Variants in SND1 observed in about 807,000 individuals in gnomAD.
SND1 encodes the protein staphylococcal nuclease and tudor domain containing 1.
SND1 carries 38 observed loss-of-function variants against 121.7 expected under a neutral mutation model. The observed-to-expected ratio is 0.31, with a 90% confidence interval of 0.24 to 0.41. The LOEUF (loss-of-function observed/expected upper bound fraction) is 0.41. Ranked by LOEUF, SND1 falls within the 10% of genes least tolerant of loss-of-function variation. SND1 has a pLI of 1.00. For missense variants in SND1, 868 were observed against 1,184.6 expected, an observed-to-expected ratio of 0.73 and a Z score of 3.92; for synonymous variants, 401 against 447.4, an observed-to-expected ratio of 0.90 and a Z score of 1.31.
intron 16 of SND1, chr7:127,997,773 C>G (rs1802704105): frequency 1.9e-6 from 1 of 534,678 alleles, no homozygotes; most frequent in African/African-American, 1.9e-5. Flanking sequence ...ACCATATATA[C>G]CATTACATTT....
intron 15 of SND1, among the ~76,000 whole-genome samples, chr7:127,985,764 T>G (rs929114532): frequency 1.4e-4 from 22 of 152,142 alleles, no homozygotes; most frequent in African/African-American, 4.6e-4. Context: ...AAGCATTAGT[T>G]CAATGGAGAG....
At chr7:127,886,849 CAAAAAAAA>C (rs11413396) in intron 12 of SND1, among the ~76,000 whole-genome samples, 1 of 118,424 alleles carries the variant, frequency 8.4e-6, no homozygotes, top group Admixed American at 9.0e-5. Context: ...CTTATTCTGG[CAAAAAAAA>C]AAAAAAAAAA....
intron 6 of SND1, 65 bp downstream of exon 6, chr7:127,702,591 C>A: frequency 1.5e-6 from 2 of 1,296,536 alleles, no homozygotes; most frequent in Non-Finnish European, 2.2e-6. Context: ...ATGGATTCTT[C>A]TACTTGGGGA....
At chr7:127,922,199 T>TTTGTTTTTTTTTTTG (rs1800732491) in intron 14 of SND1, among the ~76,000 whole-genome samples, 2 of 93,500 alleles carry the variant, frequency 2.1e-5, no homozygotes, top group Non-Finnish European at 4.2e-5. Flanking sequence ...TTTTTTTTTT[T>TTTGTTTTTTTTTTTG]TTTTGTTTTG....
intron 15 of SND1, among the ~76,000 whole-genome samples, chr7:127,980,897 C>T (rs1172412979): frequency 1.3e-5 from 2 of 151,428 alleles, no homozygotes; most frequent in Non-Finnish European, 2.9e-5. Context: ...TCAAATTTTT[C>T]TCTTTATCAA....
intron 13 of SND1, among the ~76,000 whole-genome samples, chr7:127,902,261 C>A (rs1289543888): frequency 1.3e-5 from 2 of 152,168 alleles, no homozygotes; most frequent in African/African-American, 2.4e-5. Context: ...GTTTACAGAA[C>A]AGATCTATTT....
At chr7:127,695,741 A>T (rs1446922665) in intron 3 of SND1, among the ~76,000 whole-genome samples, 1 of 152,066 alleles carries the variant, frequency 6.6e-6, no homozygotes, top group Non-Finnish European at 1.5e-5. Context: ...TGGGAGAATC[A>T]CCTGAGTCTG....
chr7:127,673,050 A>G (rs1468514861), intron 1 of SND1, among the ~76,000 whole-genome samples: 1 of 151,060 alleles, frequency 6.6e-6, no homozygotes, highest in Non-Finnish European at 1.5e-5. Flanking sequence ...TAAGTATTTT[A>G]TGTAATAAGT....
chr7:127,797,241 G>A (rs1798045252), intron 10 of SND1, among the ~76,000 whole-genome samples: 1 of 152,182 alleles, frequency 6.6e-6, no homozygotes, highest in African/African-American at 2.4e-5. Flanking sequence ...CCAAGTAGGA[G>A]GCCAGTAGGT....
At chr7:127,830,619 T>G (rs902918928) in intron 11 of SND1, among the ~76,000 whole-genome samples, 5 of 152,142 alleles carry the variant, frequency 3.3e-5, no homozygotes, top group Non-Finnish European at 7.4e-5. Flanking sequence ...TCCTCCTCAT[T>G]AAGAGAAGTA....
rs568055548 is a variant in SND1, at chr7:127,745,229, A to G, written c.1152+23829A>G. Among the ~76,000 whole-genome samples the G allele has an allele frequency of 9.2e-5, 14 of 152,316 alleles. No homozygotes were observed. The South Asian group carries it at 2.9e-3, about 32-fold the overall frequency. ...TTACTACACACCTAGGCAATATGGT[A>G]TAGCCTGTTGCTCCAGGCTGTAAAC... On this transcript the variant is annotated intron_variant, in intron 10 of 23. Transcript: ENST00000354725.
At chr7:127,867,925 A>G (rs1047426970) in intron 12 of SND1, among the ~76,000 whole-genome samples, 8 of 151,562 alleles carry the variant, frequency 5.3e-5, no homozygotes, top group Non-Finnish European at 1.0e-4. Context: ...TAAATGCATT[A>G]CTATTTAACT....
chr7:127,734,606 G>A (rs978490185), intron 10 of SND1, among the ~76,000 whole-genome samples: 2 of 152,196 alleles, frequency 1.3e-5, no homozygotes, highest in Admixed American at 6.5e-5. Context: ...TAGAGAGAAC[G>A]TAGGAGCTTG....
At chr7:127,827,570 T>C (rs1798665008) in intron 11 of SND1, among the ~76,000 whole-genome samples, 1 of 152,236 alleles carries the variant, frequency 6.6e-6, no homozygotes, top group African/African-American at 2.4e-5. Context: ...CTATTAACTA[T>C]GGATTGTTTT....
chr7:128,036,086 GA>G (rs1399803670), intron 16 of SND1, among the ~76,000 whole-genome samples: 1 of 152,212 alleles, frequency 6.6e-6, no homozygotes, highest in African/African-American at 2.4e-5. Context: ...AAGTAGTATG[GA>G]AATTGCCCTC....
Position 128,001,098 on chromosome 7 carries a change from G to A in SND1, c.1779+10042G>A, listed in dbSNP as rs576106134. On this transcript the variant is annotated intron_variant, in intron 16 of 23. Coordinates refer to ENST00000354725, the MANE Select transcript of SND1 (RefSeq NM_014390.4). ...TTCCACTTGCTACTCCACCCGTGAC[G>A]GTTTCTGGTCAGCTGCACTTAAATG... Among the ~76,000 whole-genome samples the A allele has an allele frequency of 4.6e-5, 7 of 152,290 alleles. No individual in the cohort carries two copies. In the East Asian group the frequency reaches 7.7e-4, roughly 17 times the overall value.
chr7:127,991,577 A>C (rs1313603633), intron 16 of SND1, among the ~76,000 whole-genome samples: 1 of 152,148 alleles, frequency 6.6e-6, no homozygotes, highest in Non-Finnish European at 1.5e-5. Context: ...ATTTTGCTCA[A>C]GCCTTCATCA....
intron 12 of SND1, among the ~76,000 whole-genome samples, chr7:127,857,163 T>C (rs1034644628): frequency 6.6e-6 from 1 of 151,260 alleles, no homozygotes; most frequent in African/African-American, 2.4e-5. Flanking sequence ...GGTTTCCAAT[T>C]CTTAGGAAAA....
chr7:127,979,452 T>C (rs1053926868), intron 15 of SND1, among the ~76,000 whole-genome samples: 1 of 152,184 alleles, frequency 6.6e-6, no homozygotes, highest in Non-Finnish European at 1.5e-5. Context: ...TGATTGGCTC[T>C]TTTAAAGAGA....
Sources: allele counts gnomAD v4.1 joint callset (sites outside exome capture counted in the v4.1 genomes callset), GRCh38; gene constraint gnomAD v4.1.1; transcripts MANE v1.5; gene names NCBI Gene and HGNC (gene_info 2026-07-23, HGNC 2026-07-21).